Variants in FRMD4B observed in about 807,000 individuals in gnomAD.
FRMD4B encodes FERM domain-containing protein 4B.
Under a neutral mutation model 141.5 loss-of-function variants are expected in FRMD4B, and 74 were observed. That is an observed-to-expected ratio of 0.52 (90% CI 0.43 to 0.63). FRMD4B has a LOEUF of 0.63. Among genes scored for constraint, FRMD4B ranks in the 30% least tolerant of loss-of-function variants. The pLI is 0.00. For missense variants in FRMD4B, 1,366 were observed against 1,253.4 expected, an observed-to-expected ratio of 1.09 and a Z score of -1.36; for synonymous variants, 506 against 467.9, an observed-to-expected ratio of 1.08 and a Z score of -1.05.
At chr3:69,353,649 G>T (rs1174202353) in intron 1 of FRMD4B, 1 of 982,990 alleles carries the variant, frequency 1.0e-6, no homozygotes, top group Non-Finnish European at 1.2e-6. Flanking sequence ...GTGTGCGCGC[G>T]CGTGTGTGTG....
chr3:69,276,993 CA>C (rs1028827312), intron 5 of FRMD4B, among the ~76,000 whole-genome samples: 5 of 152,128 alleles, frequency 3.3e-5, no homozygotes, highest in African/African-American at 1.2e-4. Context: ...AGCATGTTTT[CA>C]GATGATAGGC....
At chr3:69,472,891 G>A (rs1355621098) in intron 1 of FRMD4B, among the ~76,000 whole-genome samples, 1 of 143,576 alleles carries the variant, frequency 7.0e-6, no homozygotes, top group Admixed American at 7.0e-5. Context: ...AGTGATGGCT[G>A]TAGTAGCATA....
intron 1 of FRMD4B, among the ~76,000 whole-genome samples, chr3:69,353,275 G>A (rs1020722582): frequency 1.3e-5 from 2 of 152,140 alleles, no homozygotes; most frequent in South Asian, 2.1e-4. Context: ...GACGATGGGC[G>A]TCTTTAAGGA....
chr3:69,247,942 C>G (rs1231472733), intron 7 of FRMD4B, among the ~76,000 whole-genome samples: 1 of 152,154 alleles, frequency 6.6e-6, no homozygotes, highest in African/African-American at 2.4e-5. Context: ...AGCCACCGTG[C>G]CCGGCCACCC....
At chr3:69,298,843 C>T (rs1265680933) in intron 4 of FRMD4B, among the ~76,000 whole-genome samples, 1 of 152,142 alleles carries the variant, frequency 6.6e-6, no homozygotes, top group Non-Finnish European at 1.5e-5. Context: ...TTCTCCATAA[C>T]CCCTCACATA....
intron 1 of FRMD4B, among the ~76,000 whole-genome samples, chr3:69,472,932 TTTTTTC>T (rs1409923645): frequency 4.3e-4 from 50 of 117,068 alleles, no homozygotes; most frequent in East Asian, 7.7e-4. Flanking sequence ...TTTCTTTTTT[TTTTTTC>T]TTTTTTTTTT....
chr3:69,419,810 G>C (rs1704939168), intron 2 of FRMD4B, among the ~76,000 whole-genome samples: 1 of 152,210 alleles, frequency 6.6e-6, no homozygotes, highest in South Asian at 2.1e-4. Flanking sequence ...AGAAGAACTT[G>C]CAGACTGAGA....
intron 2 of FRMD4B, among the ~76,000 whole-genome samples, chr3:69,427,129 T>C (rs541934930): frequency 1.6e-4 from 24 of 152,086 alleles, no homozygotes; most frequent in Non-Finnish European, 1.5e-5. Flanking sequence ...TGACCTCTGG[T>C]GGTAAATTTG....
At chr3:69,417,431 G>C (rs1704887758) in intron 2 of FRMD4B, among the ~76,000 whole-genome samples, 1 of 152,134 alleles carries the variant, frequency 6.6e-6, no homozygotes, top group Non-Finnish European at 1.5e-5. Flanking sequence ...GTTCTTTGTA[G>C]ATTCTGGATA....
intron 1 of FRMD4B, among the ~76,000 whole-genome samples, chr3:69,362,153 A>G (rs1703488153): frequency 6.6e-6 from 1 of 152,230 alleles, no homozygotes; most frequent in African/African-American, 2.4e-5. Context: ...ATAGTACTTC[A>G]TATGTGCCAT....
At chr3:69,536,529 G>T (rs977214921) in intron 1 of FRMD4B, 2 of 699,030 alleles carry the variant, frequency 2.9e-6, no homozygotes, top group Non-Finnish European at 5.3e-6. Flanking sequence ...CTACCACCGT[G>T]CGGGGGGTGG....
chr3:69,440,180 C>A (rs1705322222), intron 1 of FRMD4B, among the ~76,000 whole-genome samples: 1 of 152,110 alleles, frequency 6.6e-6, no homozygotes, highest in Non-Finnish European at 1.5e-5. Context: ...AAAGGTTTTA[C>A]ATTTTTATTT....
rs573294307 is a variant in FRMD4B at position 69,292,808 on chromosome 3, T to C, written c.417-4972A>G. On this transcript the variant is annotated intron_variant, in intron 4 of 22. Transcript: ENST00000398540. ...TATCCCAGATTCATAAAGACCTTTT[T>C]TTCAGCCTTTTTTTTTTTTTTTTTG... 8.9e-5 allele frequency among the ~76,000 whole-genome samples: 12 copies of C among 135,262 alleles called. 1 individual carries two copies. Among genetic ancestry groups the C allele is most frequent in the African/African-American group, 2.7e-4 (10 of 37,318 alleles). The allele number at this position is 135,262 out of a possible 152,430, so 88.7% of individuals were successfully genotyped here.
At position 69,181,593 on chromosome 3, in the gene FRMD4B, TC is replaced by T. The variant is rs758360419; in HGVS notation, c.2156del (p.Arg719LysfsTer25). On this transcript the variant is annotated frameshift_variant, in exon 21 of 23. Coordinates refer to ENST00000398540, the MANE Select transcript of FRMD4B (RefSeq NM_015123.3). LOFTEE classifies it high-confidence loss of function. ...KPFFSLSKSQ[R>X]SSSTEILDDG... ...CATCGAGGATTTCTGTGCTGCTGCT[TC>T]TTTGGGATTTGGAGAGGGAGAAAAA... The T allele has an allele frequency of 5.6e-6, 9 of 1,613,726 alleles. No individual in the cohort carries two copies. The African/African-American group carries it at 1.2e-4, about 22-fold the overall frequency.
intron 1 of FRMD4B, among the ~76,000 whole-genome samples, chr3:69,334,933 C>T (rs1471495314): frequency 2.6e-5 from 4 of 152,102 alleles, no homozygotes; most frequent in Admixed American, 2.0e-4. Flanking sequence ...GATTTCAGGT[C>T]GTGTTAAGTA....
chr3:69,436,052 A>C (rs1253192100), intron 1 of FRMD4B, among the ~76,000 whole-genome samples: 2 of 152,206 alleles, frequency 1.3e-5, no homozygotes, highest in East Asian at 3.8e-4. Flanking sequence ...CAGGAGATTC[A>C]GTTACCACCT....
At chr3:69,262,459 C>CTTTTTTTT (rs71618271) in intron 5 of FRMD4B, among the ~76,000 whole-genome samples, 2 of 86,822 alleles carry the variant, frequency 2.3e-5, no homozygotes, top group East Asian at 4.9e-4. Flanking sequence ...ACACAAATGA[C>CTTTTTTTT]TTTTTTTTTT....
chr3:69,323,068 A>G (rs1428726723), intron 1 of FRMD4B: 17 of 843,134 alleles, frequency 2.0e-5, no homozygotes, highest in Non-Finnish European at 2.0e-5. Context: ...AGGGAGGGAG[A>G]AAAGCAGGCA....
Position 69,460,942 on chromosome 3 carries a change from G to A in FRMD4B, c.-128-28181C>T, listed in dbSNP as rs145836168. Reference sequence around the variant, plus strand: ...TCTACATTTCTTATTTTCACCATGAGAAATGGCTATTCTTGGTCAACACTA... The same window carrying A: ...TCTACATTTCTTATTTTCACCATGAAAAATGGCTATTCTTGGTCAACACTA... On this transcript the variant is annotated intron_variant, in intron 1 of 5. Transcript: ENST00000459638. 4.6e-3 allele frequency among the ~76,000 whole-genome samples: 697 copies of A among 152,304 alleles called. 7 individuals carry two copies. Among genetic ancestry groups the A allele is most frequent in the African/African-American group, 0.016 (661 of 41,556 alleles).
Sources: allele counts gnomAD v4.1 joint callset (sites outside exome capture counted in the v4.1 genomes callset), GRCh38; gene constraint gnomAD v4.1.1; transcripts MANE v1.5; gene names NCBI Gene and HGNC (gene_info 2026-07-23, HGNC 2026-07-21).